Variants in MMP24 observed in about 807,000 individuals in gnomAD.
The protein encoded by MMP24 is matrix metallopeptidase 24.
Under a neutral mutation model 62.8 loss-of-function variants are expected in MMP24, and 25 were observed. The observed-to-expected ratio is 0.40, with a 90% CI of 0.29 to 0.56. The LOEUF (loss-of-function observed/expected upper bound fraction) is 0.56, where lower values mean the gene tolerates loss of function less well. Among genes scored for constraint, MMP24 ranks in the 20% least tolerant of loss-of-function variants. The pLI, the probability that MMP24 is intolerant of heterozygous loss-of-function variation, is 0.50. For missense variants in MMP24, 634 were observed against 853.6 expected, an observed-to-expected ratio of 0.74 and a Z score of 3.21; for synonymous variants, 319 against 350.5, an observed-to-expected ratio of 0.91 and a Z score of 1.00.
chr20:35,263,735 G>T, intron 4 of MMP24, 56 bp from the exon 5 acceptor site: 1 of 1,406,246 alleles, frequency 7.1e-7, no homozygotes, highest in South Asian at 1.5e-5. Context: ...TGGGTTGGCT[G>T]ACCGACTCAT....
chr20:35,239,855 A>T (rs2060481038), intron 1 of MMP24, among the ~76,000 whole-genome samples: 1 of 152,128 alleles, frequency 6.6e-6, no homozygotes, highest in Non-Finnish European at 1.5e-5. Context: ...GTAGGCAGTG[A>T]AGGAGAGGGA....
At chr20:35,249,699 C>T (rs2060534479) in intron 2 of MMP24, among the ~76,000 whole-genome samples, 1 of 152,064 alleles carries the variant, frequency 6.6e-6, no homozygotes, top group Non-Finnish European at 1.5e-5. Flanking sequence ...AGCCATTCTC[C>T]TGCCTCAGCC....
chr20:35,258,571 T>C (rs2060586481), intron 4 of MMP24, among the ~76,000 whole-genome samples: 1 of 152,248 alleles, frequency 6.6e-6, no homozygotes, highest in Non-Finnish European at 1.5e-5. Flanking sequence ...TACGTCTCTC[T>C]TGCCCATAAT....
chr20:35,253,269 A>AATTTTTTTTTTTT (rs2060557038), intron 3 of MMP24, among the ~76,000 whole-genome samples: 1 of 62,494 alleles, frequency 1.6e-5, no homozygotes, highest in Admixed American at 1.7e-4. Flanking sequence ...ACAGAACGGG[A>AATTTTTTTTTTTT]CTTTTTTTTT....
At chr20:35,246,225 C>T (rs548896197) in intron 1 of MMP24, among the ~76,000 whole-genome samples, 127 of 149,464 alleles carry the variant, frequency 8.5e-4, no homozygotes, top group Admixed American at 2.8e-3. Context: ...GAGGCTGAGG[C>T]GGGCGGATCA....
intron 4 of MMP24, among the ~76,000 whole-genome samples, chr20:35,259,644 A>G (rs1600795280): frequency 6.6e-6 from 1 of 152,324 alleles, no homozygotes; most frequent in Non-Finnish European, 1.5e-5. Flanking sequence ...GGCAAAGGGA[A>G]ATGCTATCAC....
intron 4 of MMP24, chr20:35,255,911 C>T (rs1470977356): frequency 6.6e-6 from 1 of 152,200 alleles, no homozygotes; most frequent in East Asian, 1.9e-4. Flanking sequence ...CCCTGGCAGT[C>T]CAGAGTCAGT....
intron 2 of MMP24, among the ~76,000 whole-genome samples, chr20:35,249,487 C>T (rs1440724048): frequency 6.6e-6 from 1 of 152,204 alleles, no homozygotes; most frequent in East Asian, 1.9e-4. Flanking sequence ...TTCATTTTTT[C>T]ATTCAACTAA....
At chr20:35,242,105 G>A (rs2060491015) in intron 1 of MMP24, among the ~76,000 whole-genome samples, 1 of 152,200 alleles carries the variant, frequency 6.6e-6, no homozygotes, top group African/African-American at 2.4e-5. Context: ...GCCAAGGCGG[G>A]TGGATCACCT....
intron 2 of MMP24, among the ~76,000 whole-genome samples, chr20:35,247,399 C>A (rs1465498261): frequency 6.6e-6 from 1 of 151,994 alleles, no homozygotes; most frequent in African/African-American, 2.4e-5. Context: ...TTCCATTTAC[C>A]AAACATGTGC....
chr20:35,254,547 G>A lies in MMP24; in HGVS notation c.610G>A (p.Glu204Lys), dbSNP rs549071409. ...VWQKVTPLTF[E>K]EVPYHEIKSD... is the part of the protein sequence containing the mutation. ...GCAGAAGGTGACCCCACTGACCTTT[G>A]AAGAGGTGCCATACCATGAGATCAA... The change falls in exon 4 of 9, where the codon GAA becomes AAA. Residue 204 changes from glutamate (E) to lysine (K), a missense_variant. Glu to Lys is a moderately conservative substitution (Grantham distance 56). Around this residue, in one of 3 missense-constraint regions of MMP24, gnomAD observed 212 missense variants for 259.6 expected, o/e 0.82. Coordinates refer to ENST00000246186, the MANE Select transcript of MMP24 (RefSeq NM_006690.4). 6.8e-6 allele frequency: 11 copies of A among 1,614,028 alleles called. No individual in the cohort carries two copies. In the South Asian group the frequency reaches 1.2e-4, roughly 18 times the overall value.
intron 5 of MMP24, 147 bp from the exon 6 acceptor site, chr20:35,267,058 C>A: frequency 1.5e-6 from 1 of 647,782 alleles, no homozygotes; most frequent in South Asian, 1.9e-5. Context: ...TCCATTTTCT[C>A]AAAGACTGGG....
chr20:35,262,638 C>A (rs2060609997), intron 4 of MMP24: 1 of 147,444 alleles, frequency 6.8e-6, no homozygotes, highest in African/African-American at 2.6e-5. Flanking sequence ...GGCATTCCTT[C>A]CTCTTTTACT....
At chr20:35,243,110 TGAAG>T (rs923379152) in intron 1 of MMP24, among the ~76,000 whole-genome samples, 30 of 148,664 alleles carry the variant, frequency 2.0e-4, no homozygotes, top group African/African-American at 7.2e-4. Flanking sequence ...ACCTCGGGGG[TGAAG>T]GTTGCAGTGA....
At chr20:35,242,834 T>C (rs2060495659) in intron 1 of MMP24, among the ~76,000 whole-genome samples, 2 of 152,164 alleles carry the variant, frequency 1.3e-5, no homozygotes, top group African/African-American at 4.8e-5. Flanking sequence ...AAGAACTGGC[T>C]CTTGGTCCAA....
At chr20:35,250,372 C>G (rs2060538689) in intron 2 of MMP24, among the ~76,000 whole-genome samples, 1 of 152,038 alleles carries the variant, frequency 6.6e-6, no homozygotes, top group Non-Finnish European at 1.5e-5. Context: ...CCAGCTTGGC[C>G]AACATAGTGA....
chr20:35,268,870 AT>A (rs542468232), intron 6 of MMP24, among the ~76,000 whole-genome samples: 3,174 of 152,228 alleles, frequency 0.021, 39 homozygotes, highest in Non-Finnish European at 0.029. Flanking sequence ...TACTAAAAAT[AT>A]AAAAAATTAG....
In MMP24 at chr20:35,226,770, C is replaced by T. The variant is rs2060414516; in HGVS notation, c.32C>T (p.Pro11Leu). ...AGGAGCCGGGGCGGCCGCGCCGCGC[C>T]GGGGCCGCCGCCGCCGCCGCCGCCG... MPRSRGGRAA[P>L]GPPPPPPPPG... Residue 11 changes from proline (P) to leucine (L), a missense_variant, in exon 1 of 9, where the codon CCG (proline) becomes CTG (leucine). Physicochemically the swap from Pro to Leu is moderately conservative, Grantham distance 98. Coordinates refer to ENST00000246186, the MANE Select transcript of MMP24 (RefSeq NM_006690.4). The T allele has an allele frequency of 4.5e-5, 27 of 602,540 alleles. No homozygotes were observed. The highest frequency in any genetic ancestry group is 1.7e-4 in the South Asian group (2 of 11,648). 37.3% of individuals were successfully genotyped at this position (602,540 alleles called of 1,614,324 possible).
At chr20:35,242,136 A>G (rs1042119437) in intron 1 of MMP24, among the ~76,000 whole-genome samples, 3 of 152,186 alleles carry the variant, frequency 2.0e-5, no homozygotes, top group African/African-American at 7.2e-5. Context: ...GTTCAAGACC[A>G]GCCTGGCCAA....
Sources: gnomAD v4.1 joint callset for allele counts (sites outside exome capture counted in the v4.1 genomes callset) on GRCh38, gnomAD v4.1.1 for gene constraint, gnomAD v4.1.1 regional missense constraint, MANE v1.5 for transcripts, NCBI Gene and HGNC (gene_info 2026-07-23, HGNC 2026-07-21) for gene names.